SSR1: variants seen among roughly 807,000 people sequenced by gnomAD.
SSR1 encodes the protein translocon-associated protein subunit alpha.
Under a neutral mutation model 36.1 loss-of-function variants are expected in SSR1, and 13 were observed. That is an observed-to-expected ratio of 0.36 (90% CI 0.23 to 0.57). SSR1 has a LOEUF of 0.57. Among genes scored for constraint, SSR1 ranks in the 20% least tolerant of loss-of-function variants. SSR1 has a pLI of 0.81. For missense variants in SSR1, 291 were observed against 338.5 expected (o/e 0.86, Z 1.10); for synonymous variants, 113 against 118.9 (o/e 0.95, Z 0.32).
chr6:7,281,904 A>G lies in SSR1; in HGVS notation c.*7960T>C, dbSNP rs1234128740. ...CTAAAAATCAGGACTGAAGTGATCA[A>G]CAGTTAACAGATGAAGCCATGAGAA... On this transcript the variant is annotated 3_prime_UTR_variant, in exon 8 of 8. Transcript: ENST00000244763. 1.3e-5 allele frequency: 2 copies of G among 152,306 alleles called. No individual in the cohort carries two copies. Among genetic ancestry groups the G allele is most frequent in the Non-Finnish European group, 2.9e-5 (2 of 68,088 alleles). 9.4% of individuals were successfully genotyped at this position (152,306 alleles called of 1,614,324 possible).
chr6:7,303,842 C>T (rs1757992079), intron 2 of SSR1, among the ~76,000 whole-genome samples: 1 of 152,156 alleles, frequency 6.6e-6, no homozygotes, highest in Admixed American at 6.5e-5. Context: ...CAAAAATTAG[C>T]CAGGTGTGGT....
intron 3 of SSR1, among the ~76,000 whole-genome samples, chr6:7,302,910 G>A (rs925385165): frequency 3.9e-5 from 6 of 152,020 alleles, no homozygotes; most frequent in South Asian, 4.2e-4. Context: ...AGACCGAGAC[G>A]GACAGATCAC....
At chr6:7,302,935 G>A (rs9328405) in intron 3 of SSR1, among the ~76,000 whole-genome samples, 70,569 of 151,352 alleles carry the variant, frequency 0.47, 16,482 homozygotes, top group East Asian at 0.57. Flanking sequence ...TCAGGAGTTC[G>A]AGACCAGCCC....
intron 2 of SSR1, among the ~76,000 whole-genome samples, chr6:7,304,230 C>T (rs959168459): frequency 6.6e-6 from 1 of 152,186 alleles, no homozygotes; most frequent in Non-Finnish European, 1.5e-5. Context: ...ATTGTGAACT[C>T]CAAGGTTCTA....
intron 7 of SSR1, 137 bp downstream of exon 7, chr6:7,295,255 A>T: frequency 9.2e-7 from 1 of 1,084,010 alleles, no homozygotes; most frequent in Non-Finnish European, 1.3e-6. Context: ...ATTAATCACT[A>T]TACTAGATTC....
rs1757442468 is a variant in SSR1, at chr6:7,282,335, CAA to C, written c.*7527_*7528del. ...CAGGAGGTGTCCAATTAGACGGGCA[CAA>C]GAGAAAAACAGCCAGAGACCGAGAA... is the stretch of plus-strand genomic sequence containing the variant. On this transcript the variant is annotated 3_prime_UTR_variant, in exon 8 of 8. Coordinates refer to ENST00000244763, the MANE Select transcript of SSR1 (RefSeq NM_003144.5). The C allele has an allele frequency of 6.6e-6, 1 of 151,964 alleles. No individual in the cohort carries two copies. The highest frequency in any genetic ancestry group is 6.6e-5 in the Admixed American group (1 of 15,250). The allele number at this position is 151,964 out of a possible 1,614,324, so 9.4% of individuals were successfully genotyped here.
chr6:7,307,577 T>C (rs572129185), intron 2 of SSR1, among the ~76,000 whole-genome samples: 2 of 152,318 alleles, frequency 1.3e-5, no homozygotes, highest in East Asian at 3.9e-4. Context: ...GGTCTGACTC[T>C]ATCACCCAGG....
intron 4 of SSR1, 69 bp from the exon 5 acceptor site, chr6:7,298,892 T>C (rs1046813754): frequency 2.4e-6 from 3 of 1,237,662 alleles, no homozygotes; most frequent in African/African-American, 1.5e-5. Flanking sequence ...GTAACATTAC[T>C]TAAAACAGTT....
intron 2 of SSR1, among the ~76,000 whole-genome samples, chr6:7,306,007 T>C (rs1282188285): frequency 6.6e-6 from 1 of 152,234 alleles, no homozygotes; most frequent in Non-Finnish European, 1.5e-5. Flanking sequence ...GTATAGAAAC[T>C]GGTGGTACTG....
intron 2 of SSR1, among the ~76,000 whole-genome samples, chr6:7,303,987 C>A (rs1757997163): frequency 6.6e-6 from 1 of 152,216 alleles, no homozygotes; most frequent in Non-Finnish European, 1.5e-5. Flanking sequence ...AAAGACTTCA[C>A]TTTATGTTAG....
rs1198749371 is a variant in SSR1, at chr6:7,282,928, G to C, written c.*6936C>G. The C allele has an allele frequency of 6.6e-6, 1 of 152,208 alleles. No individual in the cohort carries two copies. Among genetic ancestry groups the C allele is most frequent in the African/African-American group, 2.4e-5 (1 of 41,446 alleles). 9.4% of individuals were successfully genotyped at this position (152,208 alleles called of 1,614,324 possible). On this transcript the variant is annotated 3_prime_UTR_variant, in exon 8 of 8. Coordinates refer to ENST00000244763, the MANE Select transcript of SSR1 (RefSeq NM_003144.5). ...TAATAAACTGCTCTGTAGAATTCAA[G>C]GGAATGAAATCCGCTTCTCATACGT...
At chr6:7,295,134 T>C (rs1757764342) in intron 7 of SSR1, 2 of 1,513,450 alleles carry the variant, frequency 1.3e-6, no homozygotes, top group Non-Finnish European at 1.8e-6. Context: ...AGACAGGAAA[T>C]GGATTAGGAA....
At chr6:7,306,430 A>G (rs1247625609) in intron 2 of SSR1, among the ~76,000 whole-genome samples, 1 of 151,944 alleles carries the variant, frequency 6.6e-6, no homozygotes, top group Non-Finnish European at 1.5e-5. Context: ...GGCGTGAGCC[A>G]CTGCACCTGG....
chr6:7,293,005 TAC>T (rs894244057), intron 7 of SSR1, among the ~76,000 whole-genome samples: 4 of 152,022 alleles, frequency 2.6e-5, no homozygotes, highest in African/African-American at 9.7e-5. Context: ...CCCTAGCCAA[TAC>T]AGTCATCTCT....
chr6:7,299,341 C>A (rs148716540), intron 4 of SSR1, among the ~76,000 whole-genome samples: 119 of 152,282 alleles, frequency 7.8e-4, no homozygotes, highest in African/African-American at 2.2e-3. Flanking sequence ...AAGAGTACAG[C>A]GGCAGCTGCA....
chr6:7,310,045 A>G lies in SSR1; in HGVS notation c.80-16T>C, dbSNP rs753145443. ...GCTAACAAGCCTAATGATAAAATAC[A>G]GAAAAAGCAGTTACCCTTTACTCTG... On this transcript the variant is annotated splice_polypyrimidine_tract_variant and intron_variant, in intron 1 of 7. Coordinates refer to ENST00000244763, the MANE Select transcript of SSR1 (RefSeq NM_003144.5). The G allele has an allele frequency of 6.3e-6, 10 of 1,595,410 alleles. No individual in the cohort carries two copies. Among genetic ancestry groups the G allele is most frequent in the South Asian group, 1.1e-5 (1 of 90,626 alleles).
chr6:7,298,884 AACAT>A (rs1394986329), intron 4 of SSR1, 61 bp from the exon 5 acceptor site: 36 of 1,332,028 alleles, frequency 2.7e-5, no homozygotes, highest in Non-Finnish European at 3.4e-5. Flanking sequence ...TAAAACATGT[AACAT>A]TACTTAAAAC....
rs778502527 is a variant in SSR1, at chr6:7,289,899, G to A, written c.826C>T (p.Arg276Trp). ...GATCCCACTGATCTCTTCTGTGCCC[G>A]TTTCCTGGGCAACCTTCTTGGTGAA... ...KASPRRLPRK[R>W]AQKRSVGSDE The change falls in exon 8 of 8, where the codon CGG becomes TGG. Residue 276 changes from arginine to tryptophan, a missense_variant. Physicochemically the swap from Arg to Trp is moderately radical, Grantham distance 101. Transcript: ENST00000244763. 2.6e-6 allele frequency: 4 copies of A among 1,539,338 alleles called. No individual in the cohort carries two copies. Among genetic ancestry groups the A allele is most frequent in the African/African-American group, 1.4e-5 (1 of 69,536 alleles).
chr6:7,302,718 C>T (rs1480548242), intron 3 of SSR1, among the ~76,000 whole-genome samples: 2 of 150,972 alleles, frequency 1.3e-5, no homozygotes, highest in African/African-American at 2.4e-5. Context: ...GCCGAGATCA[C>T]ACCACTGCAC....
Sources: allele counts gnomAD v4.1 joint callset (sites outside exome capture counted in the v4.1 genomes callset), GRCh38; gene constraint gnomAD v4.1.1; transcripts MANE v1.5; gene names NCBI Gene and HGNC (gene_info 2026-07-23, HGNC 2026-07-21).